SIDT2: variants seen among roughly 807,000 people sequenced by gnomAD.
SIDT2 encodes the protein SID1 transmembrane family member 2.
A neutral mutation model predicts 114.4 loss-of-function variants in SIDT2; 68 were observed. That is an observed-to-expected ratio of 0.59 (90% confidence interval 0.49 to 0.73). The LOEUF is 0.73. Ranked by LOEUF, SIDT2 falls within the 30% of genes least tolerant of loss-of-function variation. The pLI, the probability that SIDT2 is intolerant of heterozygous loss-of-function variation, is 0.00. For missense variants in SIDT2, 918 were observed against 1,097.1 expected (o/e 0.84, Z 2.31); for synonymous variants, 470 against 438.4 (o/e 1.07, Z -0.90).
intron 6 of SIDT2, 50 bp from the exon 7 acceptor site, chr11:117,183,726 AAAG>A: frequency 1.6e-6 from 2 of 1,246,538 alleles, no homozygotes; most frequent in East Asian, 4.6e-5. Context: ...AGTATTTAGA[AAAG>A]AATGATGATG....
At chr11:117,180,774 G>GCA in intron 1 of SIDT2, among the ~76,000 whole-genome samples, 1 of 152,074 alleles carries the variant, frequency 6.6e-6, no homozygotes, top group Non-Finnish European at 1.5e-5. Flanking sequence ...GACCTCAGAT[G>GCA]ATCCTCCTGC....
rs2030401893 is a variant in SIDT2 at position 117,184,057 on chromosome 11, T to A, written c.803-17T>A. 1 of 1,614,006 alleles carries A rather than the reference T, an allele frequency of 6.2e-7. No individual in the cohort carries two copies. The highest frequency in any genetic ancestry group is 1.7e-5 in the Admixed American group (1 of 60,004). On this transcript the variant is annotated splice_polypyrimidine_tract_variant and intron_variant, in intron 7 of 25. Coordinates refer to ENST00000324225, the MANE Select transcript of SIDT2 (RefSeq NM_001040455.2). ...GCTCCAGGCAACTAGTTTACCACTTTGACATTTTACTTCCAGATGAACCGG... is the reference window on the plus strand; with the variant it reads ...GCTCCAGGCAACTAGTTTACCACTTAGACATTTTACTTCCAGATGAACCGG...
chr11:117,189,116 A>G (rs1204809307), intron 13 of SIDT2, 53 bp from the exon 14 acceptor site: 2 of 1,566,792 alleles, frequency 1.3e-6, no homozygotes, highest in Non-Finnish European at 1.8e-6. Context: ...AACCTGGGGG[A>G]GGGGGCTTCT....
chr11:117,187,294 T>A, intron 10 of SIDT2, 84 bp from the exon 11 acceptor site: 1 of 1,363,826 alleles, frequency 7.3e-7, no homozygotes. Flanking sequence ...GTGGCTGTCT[T>A]CTCTGGACCT....
rs1217511064 is a variant in SIDT2 at position 117,190,039 on chromosome 11, TG to T, written c.1493+17del. The T allele has an allele frequency of 6.2e-7, 1 of 1,613,986 alleles. No individual in the cohort carries two copies. Among genetic ancestry groups the T allele is most frequent in the Non-Finnish European group, 8.5e-7 (1 of 1,180,004 alleles). ...GGGCAATCTCAGGTGGGGGTCATGC[TG>T]GGAGGCCCCTTGTCCAGGCCAAGGG... is the stretch of plus-strand genomic sequence containing the variant. On this transcript the variant is annotated intron_variant, in intron 16 of 25. Coordinates refer to ENST00000324225, the MANE Select transcript of SIDT2 (RefSeq NM_001040455.2). This position sits in a 1 kb window ranked among gnomAD's most constrained non-coding sequence, Gnocchi z 4.1.
At position 117,188,204 on chromosome 11, in the gene SIDT2, G is replaced by A. The variant is rs539228654; in HGVS notation, c.1160-504G>A. ...GCGTTGCCAGCGCCCTCACTCCCTG[G>A]CCTGCTTGGGGAGGGCTCACAGGCA... is the stretch of plus-strand genomic sequence containing the variant. On this transcript the variant is annotated intron_variant, in intron 12 of 25. Coordinates refer to ENST00000324225, the MANE Select transcript of SIDT2 (RefSeq NM_001040455.2). This position sits in a 1 kb window ranked among gnomAD's most constrained non-coding sequence, Gnocchi z 4.0. The A allele has an allele frequency of 5.5e-4, 196 of 356,640 alleles. 1 individual carries two copies. The highest frequency in any genetic ancestry group is 1.8e-4 in the Non-Finnish European group (33 of 182,584). 22.1% of individuals were successfully genotyped at this position (356,640 alleles called of 1,614,324 possible).
Position 117,190,170 on chromosome 11 carries a change from TTCAACAACATCC to T in SIDT2, c.1502_1513del (p.Asn501_Leu504del). On this transcript the variant is annotated inframe_deletion, in exon 17 of 26. Coordinates refer to ENST00000324225, the MANE Select transcript of SIDT2 (RefSeq NM_001040455.2). This position sits in a 1 kb window ranked among gnomAD's most constrained non-coding sequence, Gnocchi z 4.1. ...GCCTTGTGTTGCCCCTTCTAGCGCC[TTCAACAACATCC>T]TCAGCAACCTGGGGTACATCCTGCT... 6.3e-7 allele frequency: 1 copy of T among 1,581,374 alleles called. No homozygotes were observed. The highest frequency in any genetic ancestry group is 8.6e-7 in the Non-Finnish European group (1 of 1,163,100).
At chr11:117,186,896 C>T (rs2030517249) in intron 10 of SIDT2, 4 of 1,440,924 alleles carry the variant, frequency 2.8e-6, no homozygotes, top group African/African-American at 2.8e-5. Flanking sequence ...CAGTGTGGCC[C>T]ACGGTCTCTG....
Position 117,190,607 on chromosome 11 carries a change from T to G in SIDT2, c.1618-16T>G. The G allele has an allele frequency of 1.3e-6, 2 of 1,557,172 alleles. No individual in the cohort carries two copies. Among genetic ancestry groups the G allele is most frequent in the Non-Finnish European group, 1.7e-6 (2 of 1,146,682 alleles). On this transcript the variant is annotated splice_polypyrimidine_tract_variant and intron_variant, in intron 17 of 25. Transcript: ENST00000324225. The surrounding 1 kb of genome is among the most constrained non-coding windows in gnomAD (Gnocchi z 4.1). ...CTCACTTCCTCCCTCCCTTCCCTTCTCTCTCTCCCCAACAGGAATGTGGGA... is the reference window on the plus strand; with the variant it reads ...CTCACTTCCTCCCTCCCTTCCCTTCGCTCTCTCCCCAACAGGAATGTGGGA...
At chr11:117,193,044 G>C in intron 22 of SIDT2, 109 bp from the exon 23 acceptor site, 1 of 1,365,056 alleles carries the variant, frequency 7.3e-7, no homozygotes, top group South Asian at 1.2e-5. Flanking sequence ...TCTTCTGTGG[G>C]CTTCTGAACA....
In SIDT2 at chr11:117,179,215, T is replaced by TCGCCGC. The variant is rs746735121; in HGVS notation, c.-38_-33dup. 6.0e-5 allele frequency: 94 copies of TCGCCGC among 1,574,628 alleles called. No individual in the cohort carries two copies. In the East Asian group the frequency reaches 1.9e-3, roughly 32 times the overall value. On this transcript the variant is annotated 5_prime_UTR_variant, in exon 1 of 26. Transcript: ENST00000324225. ...CGTCCCGGAGGTGTCCTGTCTCCTG[T>TCGCCGC]CGCCGCCGCCGCCGCCACCACCGCT...
chr11:117,187,288 C>A, intron 10 of SIDT2, 90 bp from the exon 11 acceptor site: 2 of 1,289,356 alleles, frequency 1.6e-6, no homozygotes, highest in Non-Finnish European at 2.3e-6. Flanking sequence ...CTCCCTGTGG[C>A]TGTCTTCTCT....
chr11:117,182,138 A>G (rs1008590194), intron 4 of SIDT2, 33 bp downstream of exon 4: 6 of 1,611,302 alleles, frequency 3.7e-6, no homozygotes, highest in Admixed American at 3.3e-5. Flanking sequence ...TCGAGAGGAG[A>G]AATGGGGGAG....
rs144054875 is a variant in SIDT2 at position 117,180,615 on chromosome 11, A to C, written c.184-801A>C. On this transcript the variant is annotated intron_variant, in intron 1 of 25. Coordinates refer to ENST00000324225, the MANE Select transcript of SIDT2 (RefSeq NM_001040455.2). ...CAGTTTTGTGATCTCAGCTCACTGC[A>C]ACCTCCGCCTTCCCGGTTCAAGCGA... Among the ~76,000 whole-genome samples, 814 of 145,416 alleles carry C rather than the reference A, an allele frequency of 5.6e-3. 7 individuals are homozygous for C. Among genetic ancestry groups the C allele is most frequent in the African/African-American group, 0.02 (764 of 38,822 alleles).
At chr11:117,191,667 C>T in intron 18 of SIDT2, 1 of 636,334 alleles carries the variant, frequency 1.6e-6, no homozygotes, top group Non-Finnish European at 2.7e-6. Flanking sequence ...CAGGAGATGT[C>T]AGACTCTGGG....
rs1241161079 is a variant in SIDT2, at chr11:117,195,904, G to A, written c.2425G>A (p.Gly809Arg). The A allele has an allele frequency of 1.2e-6, 2 of 1,614,108 alleles. No homozygotes were observed. The highest frequency in any genetic ancestry group is 1.7e-5 in the Admixed American group (1 of 60,002). ...CTTCCTCTCCTCCATCGCCATGTTC[G>A]GGTCCTTCCTGGTAAGCGGGCCTCC... ...WHFLSSIAMF[G>R]SFLVLLTLDD... The change falls in exon 25 of 26, where the codon GGG becomes AGG. Residue 809 changes from glycine (G) to arginine (R), a missense_variant. Coordinates refer to ENST00000324225, the MANE Select transcript of SIDT2 (RefSeq NM_001040455.2).
chr11:117,180,195 C>T (rs2030223490), intron 1 of SIDT2, among the ~76,000 whole-genome samples: 1 of 152,174 alleles, frequency 6.6e-6, no homozygotes, highest in Non-Finnish European at 1.5e-5. Context: ...TCCATGACTG[C>T]CGTTTACTGA....
Position 117,193,205 on chromosome 11 carries a change from G to A in SIDT2, c.2158G>A (p.Ala720Thr), listed in dbSNP as rs989619057. 1.9e-6 allele frequency: 3 copies of A among 1,614,078 alleles called. No individual in the cohort carries two copies. The highest frequency in any genetic ancestry group is 2.5e-6 in the Non-Finnish European group (3 of 1,179,982). ...CAATGATTTCGCTTCCTACTTGTTG[G>A]CCATTGGCATCTGCAACCTGCTCCT... ...RPNDFASYLL[A>T]IGICNLLLYF... The change falls in exon 23 of 26, where the codon GCC (alanine) becomes ACC (threonine). Residue 720 changes from alanine (A) to threonine (T), a missense_variant. Ala to Thr is a moderately conservative substitution (Grantham distance 58). This residue lies in a region of SIDT2 where 275 missense variants were observed against 397.6 expected (regional missense o/e 0.69). Coordinates refer to ENST00000324225, the MANE Select transcript of SIDT2 (RefSeq NM_001040455.2).
At chr11:117,186,519 C>T in intron 9 of SIDT2, 65 bp from the exon 10 acceptor site, 3 of 1,442,424 alleles carry the variant, frequency 2.1e-6, no homozygotes, top group Admixed American at 4.5e-5. Context: ...GAAGGAAAGT[C>T]AGCCCCATAC....
Sources: gnomAD v4.1 joint callset for allele counts (sites outside exome capture counted in the v4.1 genomes callset) on GRCh38, gnomAD v4.1.1 for gene constraint, gnomAD v4.1.1 regional missense constraint, Gnocchi (gnomAD v3.1) non-coding constraint, MANE v1.5 for transcripts, NCBI Gene and HGNC (gene_info 2026-07-23, HGNC 2026-07-21) for gene names.